The following ATL1 variants were observed in gnomAD, a reference collection of about 807,000 sequenced individuals.
ATL1 encodes the protein atlastin-1.
In ATL1, 31 loss-of-function variants were observed where a neutral mutation model predicts 75.5. That is an observed-to-expected ratio of 0.41 (90% CI 0.31 to 0.55). ATL1 has a LOEUF of 0.55. Among genes scored for constraint, ATL1 ranks in the 20% least tolerant of loss-of-function variants. The probability of loss-of-function intolerance (pLI) is 0.27; values close to 1 mark genes in which losing one functional copy is unlikely to be tolerated. For synonymous variants in ATL1, 226 were observed against 233.3 expected, an observed-to-expected ratio of 0.97 and a Z score of 0.28; for missense variants, 405 against 662.6, an observed-to-expected ratio of 0.61 and a Z score of 4.27.
chr14:50,562,666 A>T (rs1356627383), intron 1 of ATL1, among the ~76,000 whole-genome samples: 2 of 151,696 alleles, frequency 1.3e-5, no homozygotes, highest in Non-Finnish European at 2.9e-5. Context: ...TAGGAAAAGA[A>T]ATACTAGAAT....
rs575202815 is a variant in ATL1, at chr14:50,561,347, A to G, written c.34+1048A>G. On this transcript the variant is annotated intron_variant, in intron 1 of 13. Transcript: ENST00000358385. Reference sequence around the variant, plus strand: ...CTAAGGCATTTATTTTATTATCTGAACCAGAGAATGTCTCAGGCTACTGTG... The same window carrying G: ...CTAAGGCATTTATTTTATTATCTGAGCCAGAGAATGTCTCAGGCTACTGTG... Among the ~76,000 whole-genome samples, 6 of 152,304 alleles carry G rather than the reference A, an allele frequency of 3.9e-5. No homozygotes were observed. The East Asian group carries it at 1.2e-3, about 29-fold the overall frequency.
intron 1 of ATL1, among the ~76,000 whole-genome samples, chr14:50,572,626 G>T (rs2038964760): frequency 6.6e-6 from 1 of 150,842 alleles, no homozygotes; most frequent in East Asian, 1.9e-4. Context: ...ACTTTCTTTT[G>T]GTTTATTCTA....
chr14:50,631,030 G>A (rs2039574672), intron 13 of ATL1: 2 of 446,990 alleles, frequency 4.5e-6, no homozygotes, highest in South Asian at 3.2e-5. Flanking sequence ...AGACTGAGGT[G>A]GGCGGATCAC....
chr14:50,557,212 G>A (rs1342944728), upstream of ATL1, among the ~76,000 whole-genome samples: 2 of 152,148 alleles, frequency 1.3e-5, no homozygotes, highest in Non-Finnish European at 2.9e-5. Flanking sequence ...TGGAGAATGT[G>A]AAACATTACT....
At chr14:50,536,180 C>CA (rs1296685114) in intron 1 of ATL1, among the ~76,000 whole-genome samples, 1 of 152,210 alleles carries the variant, frequency 6.6e-6, no homozygotes, top group Non-Finnish European at 1.5e-5. Flanking sequence ...CGCCATGGCC[C>CA]ATGCCTGTAA....
chr14:50,575,096 C>T (rs2038993754), intron 1 of ATL1, among the ~76,000 whole-genome samples: 3 of 150,772 alleles, frequency 2.0e-5, no homozygotes, highest in African/African-American at 7.3e-5. Context: ...AAAGACTTAG[C>T]TTTCCCCCCA....
chr14:50,628,035 G>C lies in ATL1; in HGVS notation c.1124G>C (p.Cys375Ser), dbSNP rs752590642. Residue 375 changes from cysteine to serine, a missense_variant, in exon 12 of 14, where the codon TGT (cysteine) becomes TCT (serine). This residue lies in a region of ATL1 where 163 missense variants were observed against 244.1 expected (regional missense o/e 0.67). Coordinates refer to ENST00000358385, the MANE Select transcript of ATL1 (RefSeq NM_015915.5). ...ATACTTCTCTATCTGATACAGATTT[G>C]TGGTGGTGACAAACCATTTCTGGCC... ...DTYNKKMEEI[C>S]GGDKPFLAPN... 2.5e-6 allele frequency: 4 copies of C among 1,614,126 alleles called. No homozygotes were observed. The highest frequency in any genetic ancestry group is 3.4e-6 in the Non-Finnish European group (4 of 1,179,996).
In ATL1 at chr14:50,592,927, A is replaced by AT. The variant is rs1214718280; in HGVS notation, c.523-919_523-918insT. Among the ~76,000 whole-genome samples, 423 of 99,212 alleles carry AT rather than the reference A, an allele frequency of 4.3e-3. 2 individuals are homozygous for AT. The highest frequency in any genetic ancestry group is 6.0e-3 in the Middle Eastern group (1 of 166). The allele number at this position is 99,212 out of a possible 152,430, so 65.1% of individuals were successfully genotyped here. A position where few individuals can be genotyped will look rare whatever the true frequency, so the allele number is the denominator to read the frequency against. Reference sequence around the variant, plus strand: ...GACTCCCGTCTCAAAAAAAAAAAAAAAAATATATATATATATATATGTGTG... The same window carrying AT: ...GACTCCCGTCTCAAAAAAAAAAAAAATAAATATATATATATATATATGTGTG... On this transcript the variant is annotated intron_variant, in intron 4 of 13. Transcript: ENST00000358385.
intron 4 of ATL1, among the ~76,000 whole-genome samples, chr14:50,593,239 AATG>A (rs1479683226): frequency 2.0e-5 from 3 of 151,994 alleles, no homozygotes; most frequent in Admixed American, 6.6e-5. Context: ...TTATGTGAGA[AATG>A]ATGATCTGTT....
intron 1 of ATL1, 139 bp from the exon 2 acceptor site, chr14:50,587,692 A>C: frequency 8.5e-7 from 1 of 1,182,972 alleles, no homozygotes; most frequent in Non-Finnish European, 1.2e-6. Flanking sequence ...TACAGGCATG[A>C]GCCACTGCAC....
rs966794511 is a variant in ATL1 at position 50,613,475 on chromosome 14, A to C, written c.723+124A>C. ...ATCTCATTTGTTATCGATATTAATG[A>C]CACAGGTGAAGAATTCTTTGTATAT... On this transcript the variant is annotated intron_variant, in intron 7 of 13. Coordinates refer to ENST00000358385, the MANE Select transcript of ATL1 (RefSeq NM_015915.5). 3 of 736,736 alleles carry C rather than the reference A, an allele frequency of 4.1e-6. No homozygotes were observed. In the East Asian group the frequency reaches 8.1e-5, roughly 20 times the overall value. 45.6% of individuals were successfully genotyped at this position (736,736 alleles called of 1,614,324 possible). A position where few individuals can be genotyped will look rare whatever the true frequency, so the allele number is the denominator to read the frequency against.
chr14:50,549,105 G>T (rs1358894525), intron 1 of ATL1, among the ~76,000 whole-genome samples: 2 of 151,964 alleles, frequency 1.3e-5, no homozygotes. Flanking sequence ...CATTCACTTT[G>T]AACAAGTGGA....
chr14:50,632,484 T>C lies in ATL1; in HGVS notation c.*145T>C. 1.6e-6 allele frequency: 1 copy of C among 623,402 alleles called. No homozygotes were observed. The highest frequency in any genetic ancestry group is 2.9e-6 in the Non-Finnish European group (1 of 339,594). 38.6% of individuals were successfully genotyped at this position (623,402 alleles called of 1,614,324 possible). A position where few individuals can be genotyped will look rare whatever the true frequency, so the allele number is the denominator to read the frequency against. On this transcript the variant is annotated 3_prime_UTR_variant, in exon 14 of 14. Transcript: ENST00000358385. ...AAGACTGCAAACTGGATTAGTTCTT[T>C]TACTTCAGTGTTTAATAAGCAGATG... is the stretch of plus-strand genomic sequence containing the variant.
chr14:50,541,983 G>T (rs933690643), intron 1 of ATL1, among the ~76,000 whole-genome samples: 2 of 117,818 alleles, frequency 1.7e-5, no homozygotes, highest in African/African-American at 3.4e-5. Context: ...CTCCAGCCTG[G>T]GCGACAGAGC....
intron 1 of ATL1, among the ~76,000 whole-genome samples, chr14:50,576,814 C>G (rs2039010011): frequency 6.6e-6 from 1 of 152,078 alleles, no homozygotes; most frequent in African/African-American, 2.4e-5. Context: ...AGAGCTCAAC[C>G]GATCCTCCTG....
exon 1 of ATL1, chr14:50,533,336 A>G (rs1436045967): frequency 6.6e-6 from 1 of 151,604 alleles, no homozygotes; most frequent in South Asian, 2.1e-4. Flanking sequence ...ATTTGGCAAC[A>G]TCTCGGTGTC....
intron 8 of ATL1, among the ~76,000 whole-genome samples, chr14:50,617,517 T>A (rs17122693): frequency 6.6e-6 from 1 of 152,074 alleles, no homozygotes; most frequent in Non-Finnish European, 1.5e-5. Context: ...CAATCACTTA[T>A]CAGAATCAGG....
At chr14:50,604,674 A>C (rs1432939025) in intron 6 of ATL1, among the ~76,000 whole-genome samples, 2 of 152,124 alleles carry the variant, frequency 1.3e-5, no homozygotes, top group East Asian at 3.8e-4. Flanking sequence ...GAGAGTGTCC[A>C]AAATATTTAT....
chr14:50,605,968 TGC>T (rs2140219822), intron 6 of ATL1, among the ~76,000 whole-genome samples: 1 of 152,198 alleles, frequency 6.6e-6, no homozygotes, highest in Non-Finnish European at 1.5e-5. Flanking sequence ...TTGGGCAGTG[TGC>T]CCACTCCTTT....
Sources: allele counts gnomAD v4.1 joint callset (sites outside exome capture counted in the v4.1 genomes callset), GRCh38; gene constraint gnomAD v4.1.1; regional missense constraint gnomAD v4.1.1; transcripts MANE v1.5; gene names NCBI Gene and HGNC (gene_info 2026-07-23, HGNC 2026-07-21).